The following SLC24A2 variants were observed in gnomAD, a reference collection of about 807,000 sequenced individuals.
SLC24A2 encodes solute carrier family 24 member 2, also known as sodium/potassium/calcium exchanger 2.
Under a neutral mutation model 62.0 loss-of-function variants are expected in SLC24A2, and 36 were observed. The observed-to-expected ratio is 0.58, with a 90% confidence interval of 0.44 to 0.77. The LOEUF (loss-of-function observed/expected upper bound fraction) is 0.77. Among genes scored for constraint, SLC24A2 ranks in the 30% least tolerant of loss-of-function variants. The pLI is 0.00. For missense variants in SLC24A2, 846 were observed against 817.9 expected, an observed-to-expected ratio of 1.03 and a Z score of -0.42; for synonymous variants, 358 against 294.0, an observed-to-expected ratio of 1.22 and a Z score of -2.23.
intron 2 of SLC24A2, among the ~76,000 whole-genome samples, chr9:19,759,906 A>C (rs1049779187): frequency 1.3e-5 from 2 of 152,186 alleles, no homozygotes; most frequent in Non-Finnish European, 2.9e-5. Context: ...TTAAAAAATA[A>C]TGTGGCCTTT....
chr9:20,262,478 T>C, the SLC24A2 span, among the ~76,000 whole-genome samples: 1 of 152,196 alleles, frequency 6.6e-6, no homozygotes, highest in Non-Finnish European at 1.5e-5. Flanking sequence ...CTGGCAGAAA[T>C]TTTTTCAGGA....
At chr9:20,282,785 T>G in the SLC24A2 span, among the ~76,000 whole-genome samples, 1 of 152,218 alleles carries the variant, frequency 6.6e-6, no homozygotes, top group Admixed American at 6.5e-5. Context: ...AACATCTGCA[T>G]ACTTTTTCAT....
intron 2 of SLC24A2, among the ~76,000 whole-genome samples, chr9:19,764,105 T>A (rs1822437316): frequency 6.6e-6 from 1 of 152,164 alleles, no homozygotes; most frequent in Admixed American, 6.5e-5. Context: ...TGCATAGAGG[T>A]GTTTATAGTA....
intron 2 of SLC24A2, among the ~76,000 whole-genome samples, chr9:19,764,858 AT>A (rs1322475067): frequency 1.3e-5 from 2 of 152,074 alleles, no homozygotes; most frequent in African/African-American, 2.4e-5. Flanking sequence ...ATCTCTGTTA[AT>A]TTTTTGTCTC....
the SLC24A2 span, among the ~76,000 whole-genome samples, chr9:20,151,730 A>G: frequency 7.2e-5 from 11 of 151,782 alleles, no homozygotes; most frequent in Non-Finnish European, 1.3e-4. Flanking sequence ...CCCACTATAG[A>G]TAACTAAGAG....
chr9:20,004,724 T>C, the SLC24A2 span, among the ~76,000 whole-genome samples: 1 of 152,312 alleles, frequency 6.6e-6, no homozygotes, highest in Middle Eastern at 3.4e-3. Context: ...TCTTGTCTCA[T>C]TAAATTCAAA....
chr9:19,933,066 G>A, the SLC24A2 span, among the ~76,000 whole-genome samples: 1 of 152,230 alleles, frequency 6.6e-6, no homozygotes, highest in Non-Finnish European at 1.5e-5. Context: ...CGGGGAGGAT[G>A]GACTTGGGGA....
chr9:20,266,503 C>T, the SLC24A2 span, among the ~76,000 whole-genome samples: 4 of 152,000 alleles, frequency 2.6e-5, no homozygotes, highest in African/African-American at 9.7e-5. Flanking sequence ...AAAAGCCCTT[C>T]GATAACTGCT....
intron 2 of SLC24A2, among the ~76,000 whole-genome samples, chr9:19,664,613 CAG>C (rs1219044172): frequency 6.6e-6 from 1 of 152,166 alleles, no homozygotes; most frequent in Admixed American, 6.5e-5. Flanking sequence ...TTATTTGGCA[CAG>C]AGTCTTTGAA....
intron 2 of SLC24A2, among the ~76,000 whole-genome samples, chr9:19,708,408 T>G (rs1820602378): frequency 6.6e-6 from 1 of 152,060 alleles, no homozygotes; most frequent in Admixed American, 6.5e-5. Flanking sequence ...AAAACTACTT[T>G]AAAGTTCATA....
the SLC24A2 span, among the ~76,000 whole-genome samples, chr9:19,891,029 T>C: frequency 6.6e-6 from 1 of 152,226 alleles, no homozygotes; most frequent in African/African-American, 2.4e-5. Context: ...CCCCCACTTG[T>C]TAAGTAAAAC....
At chr9:20,270,759 G>A in the SLC24A2 span, among the ~76,000 whole-genome samples, 20 of 152,140 alleles carry the variant, frequency 1.3e-4, 1 homozygote, top group Non-Finnish European at 8.8e-5. Flanking sequence ...TCATCATGGA[G>A]TTCACATTCT....
intron 2 of SLC24A2, among the ~76,000 whole-genome samples, chr9:19,721,994 T>C (rs1217163008): frequency 1.3e-5 from 2 of 152,166 alleles, no homozygotes; most frequent in Non-Finnish European, 2.9e-5. Flanking sequence ...TTATTTTGCA[T>C]AATACTTTTC....
At position 19,599,625 on chromosome 9, in the gene SLC24A2, T is replaced by C. The variant is rs76958829; in HGVS notation, c.1079-2346A>G. ...CTCAGCAGCAGCATCCTAAGGAGGA[T>C]TGGGCAGCATCTCCAGGAGCCACAA... On this transcript the variant is annotated intron_variant, in intron 4 of 10. Coordinates refer to ENST00000341998, the MANE Select transcript of SLC24A2 (RefSeq NM_020344.4). This position sits in a 1 kb window ranked among gnomAD's most constrained non-coding sequence, Gnocchi z 4.5. Among the ~76,000 whole-genome samples, 1,424 of 152,170 alleles carry C rather than the reference T, an allele frequency of 9.4e-3. 35 individuals carry two copies. Among genetic ancestry groups the C allele is most frequent in the African/African-American group, 0.033 (1,357 of 41,502 alleles).
chr9:19,901,250 C>G, the SLC24A2 span, among the ~76,000 whole-genome samples: 1 of 152,118 alleles, frequency 6.6e-6, no homozygotes, highest in Non-Finnish European at 1.5e-5. Flanking sequence ...ATAATGATGG[C>G]ACAAAGGGAG....
intron 5 of SLC24A2, among the ~76,000 whole-genome samples, chr9:19,594,601 C>G (rs558127170): frequency 6.7e-4 from 102 of 152,294 alleles, no homozygotes; most frequent in Non-Finnish European, 1.1e-3. Context: ...GTCACATGGA[C>G]AATCACAACA....
At chr9:19,545,576 C>G (rs1015932475) in intron 8 of SLC24A2, among the ~76,000 whole-genome samples, 5 of 151,804 alleles carry the variant, frequency 3.3e-5, no homozygotes, top group African/African-American at 1.2e-4. Flanking sequence ...TACCGTCGGT[C>G]TTTGTAGTCA....
chr9:20,139,757 T>A, the SLC24A2 span, among the ~76,000 whole-genome samples: 2 of 152,178 alleles, frequency 1.3e-5, no homozygotes, highest in South Asian at 2.1e-4. Context: ...CCTGTCTGAA[T>A]CCACACACTA....
At chr9:19,584,114 G>A (rs944544639) in intron 5 of SLC24A2, among the ~76,000 whole-genome samples, 5 of 151,946 alleles carry the variant, frequency 3.3e-5, no homozygotes, top group African/African-American at 1.2e-4. Flanking sequence ...TCTTCCCTCT[G>A]CCATCTTTAG....
Sources: allele counts gnomAD v4.1 joint callset (sites outside exome capture counted in the v4.1 genomes callset), GRCh38; gene constraint gnomAD v4.1.1; non-coding constraint Gnocchi (gnomAD v3.1); transcripts MANE v1.5; gene names NCBI Gene and HGNC (gene_info 2026-07-23, HGNC 2026-07-21).